The following MRPS9 variants were observed in gnomAD, a reference collection of about 807,000 sequenced individuals.
MRPS9 encodes mitochondrial ribosomal protein S9.
In MRPS9, 45 loss-of-function variants were observed where a neutral mutation model predicts 59.9. The ratio of observed to expected loss-of-function variants is 0.75; its 90% confidence interval spans 0.59 to 0.96. MRPS9 has a LOEUF of 0.96. MRPS9 is among the 40% of genes least tolerant of loss of function. The pLI, the probability that MRPS9 is intolerant of heterozygous loss-of-function variation, is 0.00. For missense variants in MRPS9, 473 were observed against 481.1 expected (o/e 0.98, Z 0.16); for synonymous variants, 171 against 166.8 (o/e 1.03, Z -0.19).
At chr2:105,072,791 C>A (rs1398068471) in intron 4 of MRPS9, among the ~76,000 whole-genome samples, 4 of 152,094 alleles carry the variant, frequency 2.6e-5, no homozygotes, top group African/African-American at 9.7e-5. Flanking sequence ...GGCATTTATT[C>A]TCTTATTCCA....
intron 10 of MRPS9, chr2:105,099,391 C>T (rs1680741774): frequency 3.8e-6 from 1 of 265,870 alleles, no homozygotes; most frequent in South Asian, 7.2e-5. Flanking sequence ...GTTGAGCAAG[C>T]TTAAAAACCA....
Position 105,059,246 on chromosome 2 carries a change from C to G in MRPS9, c.315+9896C>G, listed in dbSNP as rs577534812. Among the ~76,000 whole-genome samples the G allele has an allele frequency of 5.9e-5, 9 of 152,182 alleles. No homozygotes were observed. The East Asian group carries it at 1.4e-3, about 23-fold the overall frequency. ...AGCTACCACTTATTTTGGGAAAATG[C>G]CTTTTGTTTTCTATTCCTGTGGCAG... On this transcript the variant is annotated intron_variant, in intron 2 of 10. Transcript: ENST00000258455.
intron 1 of MRPS9, among the ~76,000 whole-genome samples, chr2:105,045,595 G>A (rs987327798): frequency 3.3e-5 from 5 of 151,944 alleles, no homozygotes; most frequent in Non-Finnish European, 5.9e-5. Flanking sequence ...GCAATATTAT[G>A]ACCCAACAGA....
intron 7 of MRPS9, among the ~76,000 whole-genome samples, chr2:105,091,608 T>C (rs1408880337): frequency 6.6e-6 from 1 of 152,216 alleles, no homozygotes; most frequent in African/African-American, 2.4e-5. Flanking sequence ...ATGAGTGTGA[T>C]GTTTAACGCC....
chr2:105,079,112 G>A (rs1318894862), intron 4 of MRPS9, among the ~76,000 whole-genome samples: 1 of 152,152 alleles, frequency 6.6e-6, no homozygotes, highest in African/African-American at 2.4e-5. Flanking sequence ...AACAAGTCAT[G>A]CTGCCGTAGA....
At chr2:105,052,145 T>C (rs1230933006) in intron 2 of MRPS9, among the ~76,000 whole-genome samples, 2 of 152,224 alleles carry the variant, frequency 1.3e-5, no homozygotes, top group Non-Finnish European at 2.9e-5. Context: ...TTGGCTAGAA[T>C]GTCTAACAAT....
intron 4 of MRPS9, among the ~76,000 whole-genome samples, chr2:105,076,729 A>G (rs1680219350): frequency 6.6e-6 from 1 of 152,230 alleles, no homozygotes; most frequent in Non-Finnish European, 1.5e-5. Context: ...TAAAATCACA[A>G]AAACTAAAGG....
intron 2 of MRPS9, among the ~76,000 whole-genome samples, chr2:105,051,676 G>A (rs1043138382): frequency 6.6e-6 from 1 of 151,938 alleles, no homozygotes; most frequent in Non-Finnish European, 1.5e-5. Flanking sequence ...CTGAACATGG[G>A]GTGTCCCTCT....
At chr2:105,059,775 C>T (rs902347002) in intron 2 of MRPS9, among the ~76,000 whole-genome samples, 3 of 151,952 alleles carry the variant, frequency 2.0e-5, no homozygotes, top group Non-Finnish European at 2.9e-5. Flanking sequence ...TTGTAAGATG[C>T]TTGGGGGCCC....
chr2:105,076,447 A>G (rs1680214050), intron 4 of MRPS9, among the ~76,000 whole-genome samples: 1 of 152,236 alleles, frequency 6.6e-6, no homozygotes, highest in Non-Finnish European at 1.5e-5. Context: ...TGTTTTAAAA[A>G]CGCTGAATTC....
At chr2:105,069,743 AG>A (rs1680077908) in intron 2 of MRPS9, among the ~76,000 whole-genome samples, 1 of 151,942 alleles carries the variant, frequency 6.6e-6, no homozygotes, top group Non-Finnish European at 1.5e-5. Flanking sequence ...TCATTTATTA[AG>A]GCTCATGTGT....
intron 2 of MRPS9, among the ~76,000 whole-genome samples, chr2:105,065,416 C>T (rs1397620543): frequency 6.6e-6 from 1 of 152,098 alleles, no homozygotes; most frequent in Non-Finnish European, 1.5e-5. Flanking sequence ...TGAATGCATG[C>T]TATTTTATGT....
intron 5 of MRPS9, among the ~76,000 whole-genome samples, chr2:105,084,690 TA>T (rs1177414219): frequency 2.6e-5 from 4 of 152,192 alleles, no homozygotes; most frequent in Non-Finnish European, 4.4e-5. Flanking sequence ...GTGCTTATTT[TA>T]AAAAAGCTAC....
chr2:105,094,581 T>A (rs984849862), intron 9 of MRPS9, among the ~76,000 whole-genome samples: 3 of 152,202 alleles, frequency 2.0e-5, no homozygotes, highest in African/African-American at 4.8e-5. Context: ...CAGTGTAAGC[T>A]TCTGGACACA....
At chr2:105,045,938 A>G (rs1402713944) in intron 1 of MRPS9, among the ~76,000 whole-genome samples, 2 of 151,924 alleles carry the variant, frequency 1.3e-5, no homozygotes, top group African/African-American at 4.8e-5. Flanking sequence ...GATCTTGGCT[A>G]ACTGCAACCT....
chr2:105,070,585 G>T (rs148496783), intron 2 of MRPS9, among the ~76,000 whole-genome samples: 6 of 152,188 alleles, frequency 3.9e-5, no homozygotes, highest in African/African-American at 1.4e-4. Context: ...GTGAGGCGGG[G>T]CATTGGAGAA....
rs1450725014 is a variant in MRPS9, at chr2:105,083,756, C to G, written c.489+3694C>G. Among the ~76,000 whole-genome samples, 4 of 152,078 alleles carry G rather than the reference C, an allele frequency of 2.6e-5. No homozygotes were observed. In the East Asian group the frequency reaches 5.8e-4, roughly 22 times the overall value. The stretch of plus-strand genomic sequence containing the variant: ...GTTACATATTGTGTACTGGGGAACT[C>G]TAATAAGGAGACACTTAGTAGGATC... On this transcript the variant is annotated intron_variant, in intron 5 of 10. Transcript: ENST00000258455.
intron 4 of MRPS9, among the ~76,000 whole-genome samples, chr2:105,076,841 A>G (rs1469959190): frequency 6.6e-6 from 1 of 152,260 alleles, no homozygotes; most frequent in Non-Finnish European, 1.5e-5. Context: ...AGAATAAATT[A>G]CTCACAAATT....
Position 105,081,038 on chromosome 2 carries a change from G to C in MRPS9, c.489+976G>C, listed in dbSNP as rs149294004. 4.1e-3 allele frequency among the ~76,000 whole-genome samples: 617 copies of C among 152,276 alleles called. 6 individuals are homozygous for C. Among genetic ancestry groups the C allele is most frequent in the African/African-American group, 0.014 (594 of 41,548 alleles). On this transcript the variant is annotated intron_variant, in intron 5 of 10. Coordinates refer to ENST00000258455, the MANE Select transcript of MRPS9 (RefSeq NM_182640.3). Reference sequence around the variant, plus strand: ...TGCTGAGTAATGGAGCTGCGGCTCCGGCTCGGTAGAGGTTCTCTCCCGCAC... The same window carrying C: ...TGCTGAGTAATGGAGCTGCGGCTCCCGCTCGGTAGAGGTTCTCTCCCGCAC...
Sources: allele counts gnomAD v4.1 joint callset (sites outside exome capture counted in the v4.1 genomes callset), GRCh38; gene constraint gnomAD v4.1.1; transcripts MANE v1.5; gene names NCBI Gene and HGNC (gene_info 2026-07-23, HGNC 2026-07-21).